Variants in ZFHX3 observed in about 807,000 individuals in gnomAD.
The protein encoded by ZFHX3 is zinc finger homeobox protein 3.
ZFHX3 carries 42 observed loss-of-function variants against 279.1 expected under a neutral mutation model. The observed-to-expected ratio is 0.15, with a 90% CI of 0.12 to 0.19. The LOEUF is 0.19. Ranked by LOEUF, ZFHX3 falls within the 10% of genes least tolerant of loss-of-function variation. The probability of loss-of-function intolerance (pLI) is 1.00; values close to 1 mark genes in which losing one functional copy is unlikely to be tolerated. For missense variants in ZFHX3, 4,981 were observed against 4,754.0 expected, an observed-to-expected ratio of 1.05 and a Z score of -1.40; for synonymous variants, 2,293 against 1,957.8, an observed-to-expected ratio of 1.17 and a Z score of -4.52.
chr16:73,604,342 G>T (rs911230979), intron 2 of ZFHX3, among the ~76,000 whole-genome samples: 6 of 151,936 alleles, frequency 3.9e-5, no homozygotes, highest in African/African-American at 1.2e-4. Flanking sequence ...AAAAGAGAAA[G>T]AGAAGTCGCT....
At chr16:73,238,270 T>C (rs916830675) in intron 5 of ZFHX3, among the ~76,000 whole-genome samples, 1 of 152,224 alleles carries the variant, frequency 6.6e-6, no homozygotes, top group Admixed American at 6.5e-5. Flanking sequence ...TTGGCTTCAA[T>C]GATCATCTAT....
intron 1 of ZFHX3, among the ~76,000 whole-genome samples, chr16:72,979,004 G>A (rs928354886): frequency 7.9e-5 from 12 of 152,150 alleles, no homozygotes; most frequent in African/African-American, 2.9e-4. Flanking sequence ...GAAGGTAAAG[G>A]AGAGAACCAG....
At chr16:72,965,461 A>G (rs909778828) in intron 1 of ZFHX3, among the ~76,000 whole-genome samples, 10 of 152,236 alleles carry the variant, frequency 6.6e-5, no homozygotes, top group African/African-American at 1.7e-4. Context: ...ACTGAAATGT[A>G]GGTCCAATAT....
At chr16:73,376,486 T>C (rs948180350) in intron 3 of ZFHX3, among the ~76,000 whole-genome samples, 1 of 152,312 alleles carries the variant, frequency 6.6e-6, no homozygotes, top group South Asian at 2.1e-4. Context: ...TTCATTTTCA[T>C]GAAAGGAAGG....
intron 1 of ZFHX3, among the ~76,000 whole-genome samples, chr16:73,688,545 G>A (rs945185990): frequency 1.3e-5 from 2 of 152,096 alleles, no homozygotes; most frequent in African/African-American, 4.8e-5. Context: ...AAGGCGCCCT[G>A]TATGAAGCAG....
intron 1 of ZFHX3, among the ~76,000 whole-genome samples, chr16:73,043,167 A>G (rs1054770686): frequency 1.1e-4 from 16 of 152,196 alleles, no homozygotes; most frequent in Admixed American, 8.5e-4. Context: ...ACCAAAGCTC[A>G]AAGAACACAC....
chr16:73,672,880 TTAGA>T (rs2052917990), intron 2 of ZFHX3, among the ~76,000 whole-genome samples: 1 of 152,282 alleles, frequency 6.6e-6, no homozygotes, highest in Middle Eastern at 3.4e-3. Flanking sequence ...ATTATTTTTA[TTAGA>T]TAGATTGTTT....
intron 2 of ZFHX3, among the ~76,000 whole-genome samples, chr16:73,633,062 A>G (rs1042782529): frequency 6.6e-6 from 1 of 152,240 alleles, no homozygotes; most frequent in African/African-American, 2.4e-5. Context: ...CTGGACAACA[A>G]AGCGAGACTC....
intron 1 of ZFHX3, among the ~76,000 whole-genome samples, chr16:73,025,259 C>A (rs1964456499): frequency 6.6e-6 from 1 of 152,186 alleles, no homozygotes; most frequent in Non-Finnish European, 1.5e-5. Context: ...CCAAGTCCTT[C>A]CCAATGCGGC....
At chr16:73,730,990 A>G (rs192220786) in intron 1 of ZFHX3, among the ~76,000 whole-genome samples, 1 of 152,300 alleles carries the variant, frequency 6.6e-6, no homozygotes. Context: ...TTGAAAATCA[A>G]TGATGTCAGT....
At chr16:73,457,482 G>A (rs551006125) in intron 2 of ZFHX3, among the ~76,000 whole-genome samples, 250 of 152,272 alleles carry the variant, frequency 1.6e-3, no homozygotes, top group African/African-American at 4.8e-3. Flanking sequence ...CTTACAAAAC[G>A]AGGGAGTCGG....
At chr16:72,974,343 G>A (rs1230542649) in intron 1 of ZFHX3, among the ~76,000 whole-genome samples, 1 of 152,212 alleles carries the variant, frequency 6.6e-6, no homozygotes, top group Non-Finnish European at 1.5e-5. Context: ...CAGGACAATG[G>A]GGAAAACCTG....
At chr16:73,320,160 C>T (rs1265212474) in intron 3 of ZFHX3, among the ~76,000 whole-genome samples, 1 of 152,116 alleles carries the variant, frequency 6.6e-6, no homozygotes, top group Admixed American at 6.5e-5. Flanking sequence ...GTGTCTCAGT[C>T]GAGGGCCTGG....
chr16:73,244,006 C>T (rs73597391), intron 5 of ZFHX3, among the ~76,000 whole-genome samples: 6,859 of 152,198 alleles, frequency 0.045, 536 homozygotes, highest in African/African-American at 0.16. Context: ...AAGAATGGTA[C>T]ACTGATGGCC....
chr16:73,315,135 G>A (rs1370511729), intron 4 of ZFHX3, among the ~76,000 whole-genome samples: 1 of 151,838 alleles, frequency 6.6e-6, no homozygotes, highest in Non-Finnish European at 1.5e-5. Flanking sequence ...GGCTGAGGCA[G>A]GAGAAGCGCT....
chr16:73,422,527 C>T (rs987709269), intron 3 of ZFHX3, among the ~76,000 whole-genome samples: 6 of 152,142 alleles, frequency 3.9e-5, no homozygotes, highest in African/African-American at 1.4e-4. Flanking sequence ...AGACTTTTCC[C>T]CAAATCAAAG....
At chr16:73,329,464 C>A (rs2015757137) in intron 3 of ZFHX3, among the ~76,000 whole-genome samples, 1 of 152,254 alleles carries the variant, frequency 6.6e-6, no homozygotes, top group African/African-American at 2.4e-5. Flanking sequence ...TGTCCAGATG[C>A]CTCGACCGGC....
In ZFHX3 at chr16:73,711,409, C is replaced by T. The variant is rs78585340; in HGVS notation, c.-1607-31169G>A. ...TTATGAGATAAAACTTAACAAGAAA[C>T]GAACAGTGAGCCTTGTTATAAGCAA... On this transcript the variant is annotated intron_variant, in intron 1 of 17. Coordinates refer to the ZFHX3 transcript ENST00000641206. 1.4e-3 allele frequency among the ~76,000 whole-genome samples: 219 copies of T among 152,252 alleles called. 2 individuals carry two copies. In the East Asian group the frequency reaches 0.033, roughly 23 times the overall value.
At chr16:72,834,395 G>T (rs1377796845) in intron 4 of ZFHX3, among the ~76,000 whole-genome samples, 1 of 152,226 alleles carries the variant, frequency 6.6e-6, no homozygotes, top group East Asian at 1.9e-4. Flanking sequence ...TGAAGTGCAA[G>T]AATTCCAGCA....
Sources: gnomAD v4.1 joint callset for allele counts (sites outside exome capture counted in the v4.1 genomes callset) on GRCh38, gnomAD v4.1.1 for gene constraint, MANE v1.5 for transcripts, NCBI Gene and HGNC (gene_info 2026-07-23, HGNC 2026-07-21) for gene names.